Variants in BRCA2 observed in about 807,000 individuals in gnomAD.
BRCA2 encodes breast cancer type 2 susceptibility protein.
Under a neutral mutation model 276.7 loss-of-function variants are expected in BRCA2, and 203 were observed. That is an observed-to-expected ratio of 0.73 (90% confidence interval 0.65 to 0.82). The LOEUF is 0.82. Among genes scored for constraint, BRCA2 ranks in the 40% least tolerant of loss-of-function variants. The pLI, the probability that BRCA2 is intolerant of heterozygous loss-of-function variation, is 0.00. For synonymous variants in BRCA2, 1,289 were observed against 1,338.4 expected, an observed-to-expected ratio of 0.96 and a Z score of 0.81; for missense variants, 3,920 against 3,915.0, an observed-to-expected ratio of 1.00 and a Z score of -0.03.
rs11571693 is a variant in BRCA2, at chr13:32,349,428, G to A, written c.7007+2532G>A. Among the ~76,000 whole-genome samples, 1,091 of 152,092 alleles carry A rather than the reference G, an allele frequency of 7.2e-3. 14 individuals carry two copies. Among genetic ancestry groups the A allele is most frequent in the African/African-American group, 0.025 (1,035 of 41,494 alleles). The stretch of plus-strand genomic sequence containing the variant: ...GTGGTGGGGACAGCAGAGAACCAAC[G>A]ATTTTACACTCAGGTCTCAAAAGAC... On this transcript the variant is annotated intron_variant, in intron 13 of 26. Coordinates refer to ENST00000380152, the MANE Select transcript of BRCA2 (RefSeq NM_000059.4).
chr13:32,316,982 G>C (rs886340537), intron 2 of BRCA2, among the ~76,000 whole-genome samples: 1 of 152,300 alleles, frequency 6.6e-6, no homozygotes, highest in African/African-American at 2.4e-5. Context: ...CGGATCACTT[G>C]AGGCCAGAAG....
At chr13:32,334,856 T>C (rs1294573095) in intron 10 of BRCA2, among the ~76,000 whole-genome samples, 1 of 152,210 alleles carries the variant, frequency 6.6e-6, no homozygotes, top group Non-Finnish European at 1.5e-5. Flanking sequence ...GTCCTCTTTG[T>C]TGTTGCAACA....
chr13:32,368,298 GCT>G (rs2072800382), intron 18 of BRCA2, among the ~76,000 whole-genome samples: 1 of 151,846 alleles, frequency 6.6e-6, no homozygotes, highest in African/African-American at 2.4e-5. Flanking sequence ...GGGATTACAG[GCT>G]TGAGCCTGTA....
intron 18 of BRCA2, among the ~76,000 whole-genome samples, chr13:32,367,971 C>G (rs1228764215): frequency 1.4e-5 from 2 of 145,452 alleles, no homozygotes; most frequent in Non-Finnish European, 3.0e-5. Flanking sequence ...TTTCGCAACC[C>G]TCAAATTAGG....
In BRCA2 at chr13:32,332,649, T is replaced by G; in HGVS notation, c.1171T>G (p.Leu391Val). 1 of 1,614,090 alleles carries G rather than the reference T, an allele frequency of 6.2e-7. No homozygotes were observed. The highest frequency in any genetic ancestry group is 8.5e-7 in the Non-Finnish European group (1 of 1,179,972). ...DKISKEVVPSLACEWSQLTLS... is the reference protein window; with the variant it reads ...DKISKEVVPSVACEWSQLTLS... ...AATCTCCAAGGAAGTTGTACCGTCT[T>G]TGGCCTGTGAATGGTCTCAACTAAC... Residue 391 changes from leucine to valine, a missense_variant, in exon 10 of 27, where the codon TTG becomes GTG. Leu to Val is a conservative substitution (Grantham distance 32, BLOSUM62 1). Around this residue, in one of 2 missense-constraint regions of BRCA2, gnomAD observed 3,263 missense variants for 3,156.9 expected, o/e 1.03. Transcript: ENST00000380152.
In BRCA2 at chr13:32,326,508, A is replaced by T. The variant is rs1214427273; in HGVS notation, c.526A>T (p.Thr176Ser). The T allele has an allele frequency of 6.2e-7, 1 of 1,612,400 alleles. No homozygotes were observed. Among genetic ancestry groups the T allele is most frequent in the Non-Finnish European group, 8.5e-7 (1 of 1,178,450 alleles). The change falls in exon 7 of 27, where the codon ACA (threonine) becomes TCA (serine). Residue 176 changes from threonine (T) to serine (S), a missense_variant. Physicochemically the swap from Thr to Ser is moderately conservative, Grantham distance 58. Transcript: ENST00000380152. ...TTTTCTTTCCTCCCAGGGTCGTCAG[A>T]CACCAAAACATATTTCTGAAAGTCT... Reference protein sequence around the residue: ...HTPKFVKGRQTPKHISESLGA... With the variant: ...HTPKFVKGRQSPKHISESLGA...
rs9562605 is a variant in BRCA2 at position 32,315,889 on chromosome 13, C to T, written c.-40+222C>T. ...TCCCTGGGTCTCCATTTCCCGCCTC[C>T]GGCCCGGCCTTTGGGCTCCGCCTTC... On this transcript the variant is annotated intron_variant, in intron 1 of 26. Coordinates refer to ENST00000380152, the MANE Select transcript of BRCA2 (RefSeq NM_000059.4). 0.22 allele frequency among the ~76,000 whole-genome samples: 33,317 copies of T among 152,230 alleles called. 3,705 individuals carry two copies. Among genetic ancestry groups the T allele is most frequent in the East Asian group, 0.33 (1,699 of 5,164 alleles).
intron 20 of BRCA2, among the ~76,000 whole-genome samples, chr13:32,373,549 C>T (rs1251091280): frequency 3.3e-5 from 5 of 152,136 alleles, no homozygotes; most frequent in African/African-American, 1.2e-4. Context: ...CTCCTAGCCT[C>T]AAGTGAGCCA....
rs587781760 is a variant in BRCA2, at chr13:32,340,368, G to T, written c.6013G>T (p.Asp2005Tyr). ...AAGACAAGTGTTTTCTGAAATAGAAGATAGTACCAAGCAAGTCTTTTCCAA... is the reference window on the plus strand; with the variant it reads ...AAGACAAGTGTTTTCTGAAATAGAATATAGTACCAAGCAAGTCTTTTCCAA... ...NARQVFSEIE[D>Y]STKQVFSKVL... Residue 2005 changes from aspartate to tyrosine, a missense_variant, in exon 11 of 27, where the codon GAT becomes TAT. Transcript: ENST00000380152. The T allele has an allele frequency of 3.7e-6, 6 of 1,613,926 alleles. No individual in the cohort carries two copies. In the Admixed American group the frequency reaches 1.0e-4, roughly 27 times the overall value.
rs372951842 is a variant in BRCA2, at chr13:32,339,884, A to T, written c.5529A>T (p.Ala1843=). 3.1e-6 allele frequency: 5 copies of T among 1,611,744 alleles called. No individual in the cohort carries two copies. The East Asian group carries it at 1.1e-4, about 36-fold the overall frequency. ...NSNNFEVGPP[A]FRIASGKIVC... ...ATAATTTTGAGGTAGGGCCACCTGC[A>T]TTTAGGATAGCCAGTGGTAAAATCG... Residue 1843 remains alanine, a synonymous_variant, in exon 11 of 27, where the codon GCA becomes GCT. Transcript: ENST00000380152.
Position 32,340,019 on chromosome 13 carries a change from A to T in BRCA2, c.5664A>T (p.Lys1888Asn), listed in dbSNP as rs2137519675. The T allele has an allele frequency of 6.2e-7, 1 of 1,613,088 alleles. No individual in the cohort carries two copies. Among genetic ancestry groups the T allele is most frequent in the African/African-American group, 1.3e-5 (1 of 75,034 alleles). Residue 1888 changes from lysine (K) to asparagine (N), a missense_variant, in exon 11 of 27, where the codon AAA becomes AAT. This residue lies in a region of BRCA2 where 3,263 missense variants were observed against 3,156.9 expected (regional missense o/e 1.03). Transcript: ENST00000380152. ...NENKSKICQT[K>N]IMAGCYEALD... ...ATAAATCAAAAATTTGCCAAACGAA[A>T]ATTATGGCAGGTTGTTACGAGGCAT... is the stretch of plus-strand genomic sequence containing the variant.
At chr13:32,376,181 CTT>C (rs796536086) in intron 20 of BRCA2, among the ~76,000 whole-genome samples, 6 of 145,514 alleles carry the variant, frequency 4.1e-5, no homozygotes, top group African/African-American at 1.0e-4. Context: ...CTCTGTATGA[CTT>C]TTTTTTTTTT....
chr13:32,363,119 T>G, intron 17 of BRCA2, 60 bp from the exon 18 acceptor site: 1 of 1,410,500 alleles, frequency 7.1e-7, no homozygotes, highest in Admixed American at 1.7e-5. Context: ...GTGACTTGTT[T>G]AAACAGTGGA....
chr13:32,354,922 C>A lies in BRCA2; in HGVS notation c.7069C>A (p.Leu2357Met), dbSNP rs1316815571. ...TTTTACCGCACCTGGTCAAGAATTT[C>A]TGTCTAAATCTCATTTGTATGAACA... ...PNFTAPGQEF[L>M]SKSHLYEHLT... Residue 2357 changes from leucine (L) to methionine (M), a missense_variant, in exon 14 of 27, where the codon CTG (leucine) becomes ATG (methionine). Physicochemically the swap from Leu to Met is conservative, Grantham distance 15. Coordinates refer to ENST00000380152, the MANE Select transcript of BRCA2 (RefSeq NM_000059.4). 6.2e-7 allele frequency: 1 copy of A among 1,613,680 alleles called. No individual in the cohort carries two copies.
In BRCA2 at chr13:32,346,901, G is replaced by A. The variant is rs81002816; in HGVS notation, c.7007+5G>A. 1 of 1,601,880 alleles carries A rather than the reference G, an allele frequency of 6.2e-7. No individual in the cohort carries two copies. The highest frequency in any genetic ancestry group is 8.5e-7 in the Non-Finnish European group (1 of 1,172,474). ...GATTACCTGTGTACCCTTTCGGTAA[G>A]ACATGTTTAAATTTTTCTAAATTCT... On this transcript the variant is annotated splice_donor_5th_base_variant and intron_variant, in intron 13 of 26. Transcript: ENST00000380152.
rs767873595 is a variant in BRCA2, at chr13:32,340,504, T to G, written c.6149T>G (p.Val2050Gly). Residue 2050 changes from valine (V) to glycine (G), a missense_variant, in exon 11 of 27, where the codon GTA becomes GGA. Val to Gly is a moderately radical substitution (Grantham distance 109). Coordinates refer to ENST00000380152, the MANE Select transcript of BRCA2 (RefSeq NM_000059.4). Reference sequence around the variant, plus strand: ...CAAAAAGGCTTTTCATATAATGTGGTAAATTCATCTGCTTTCTCTGGATTT... The same window carrying G: ...CAAAAAGGCTTTTCATATAATGTGGGAAATTCATCTGCTTTCTCTGGATTT... ...ISQKGFSYNV[V>G]NSSAFSGFST... The G allele has an allele frequency of 6.2e-7, 1 of 1,613,666 alleles. No individual in the cohort carries two copies. The highest frequency in any genetic ancestry group is 8.5e-7 in the Non-Finnish European group (1 of 1,179,770).
intron 2 of BRCA2, among the ~76,000 whole-genome samples, chr13:32,318,747 C>T (rs976425257): frequency 6.6e-6 from 1 of 152,000 alleles, no homozygotes; most frequent in Non-Finnish European, 1.5e-5. Context: ...CGAATTTTAT[C>T]GTGGAATGTA....
At chr13:32,331,136 G>T (rs1208250073) in intron 9 of BRCA2, 106 bp downstream of exon 9, 4 of 773,136 alleles carry the variant, frequency 5.2e-6, no homozygotes, top group African/African-American at 3.5e-5. Flanking sequence ...TCGGTTTACC[G>T]CAACCTCTGC....
rs786201459 is a variant in BRCA2, at chr13:32,339,845, C to G, written c.5490C>G (p.Ser1830=). 1 of 1,613,760 alleles carries G rather than the reference C, an allele frequency of 6.2e-7. No homozygotes were observed. Among genetic ancestry groups the G allele is most frequent in the East Asian group, 2.2e-5 (1 of 44,858 alleles). ...ATAAAAATGCAGCCATTAAATTGTC[C>G]ATATCTAATAGTAATAATTTTGAGG... is the stretch of plus-strand genomic sequence containing the variant. ...CKNKNAAIKL[S]ISNSNNFEVG... is the part of the protein sequence containing the mutation. Residue 1830 remains serine (S), a synonymous_variant, in exon 11 of 27, where the codon TCC becomes TCG. Coordinates refer to ENST00000380152, the MANE Select transcript of BRCA2 (RefSeq NM_000059.4).
Sources: allele counts gnomAD v4.1 joint callset (sites outside exome capture counted in the v4.1 genomes callset), GRCh38; gene constraint gnomAD v4.1.1; regional missense constraint gnomAD v4.1.1; transcripts MANE v1.5; gene names NCBI Gene and HGNC (gene_info 2026-07-23, HGNC 2026-07-21).